The following COG6 variants were observed in gnomAD, a reference collection of about 807,000 sequenced individuals.
COG6 encodes conserved oligomeric Golgi complex subunit 6.
Under a neutral mutation model 88.8 loss-of-function variants are expected in COG6, and 74 were observed. The ratio of observed to expected loss-of-function variants is 0.83; its 90% CI spans 0.69 to 1.01. COG6 has a LOEUF of 1.01. Among genes scored for constraint, COG6 ranks in the 50% least tolerant of loss-of-function variants. COG6 has a pLI of 0.00. For missense variants in COG6, 800 were observed against 797.9 expected (o/e 1.00, Z -0.03); for synonymous variants, 286 against 278.7 (o/e 1.03, Z -0.26).
At chr13:39,684,212 GA>G (rs1876487916) in intron 8 of COG6, among the ~76,000 whole-genome samples, 1 of 147,694 alleles carries the variant, frequency 6.8e-6, no homozygotes, top group African/African-American at 2.5e-5. Flanking sequence ...CATATGCTAA[GA>G]AGCAGGGGGC....
intron 6 of COG6, 35 bp downstream of exon 6, chr13:39,679,655 G>A: frequency 1.5e-6 from 2 of 1,315,372 alleles, no homozygotes; most frequent in Non-Finnish European, 2.2e-6. Flanking sequence ...TTGCATTGCT[G>A]CTTATGTTTC....
intron 18 of COG6, among the ~76,000 whole-genome samples, chr13:39,735,960 G>A (rs979580255): frequency 2.1e-4 from 32 of 151,918 alleles, no homozygotes; most frequent in African/African-American, 7.5e-4. Flanking sequence ...TTGGGAGTTT[G>A]ATTATTAAAG....
chr13:39,743,618 T>C (rs929975303), intron 18 of COG6, among the ~76,000 whole-genome samples: 2 of 151,970 alleles, frequency 1.3e-5, no homozygotes, highest in Non-Finnish European at 2.9e-5. Flanking sequence ...ATTAATAGCC[T>C]ACCAACCAAA....
At chr13:39,695,556 A>C (rs1289289893) in intron 12 of COG6, among the ~76,000 whole-genome samples, 1 of 151,870 alleles carries the variant, frequency 6.6e-6, no homozygotes, top group Non-Finnish European at 1.5e-5. Context: ...AAATCTAAGA[A>C]GGATGTAACT....
intron 16 of COG6, 40 bp from the exon 17 acceptor site, chr13:39,724,468 T>G: frequency 6.9e-7 from 1 of 1,454,208 alleles, no homozygotes; most frequent in Non-Finnish European, 9.5e-7. Flanking sequence ...TCTCCTTTTT[T>G]ACATCTTGGA....
In COG6 at chr13:39,699,564, C is replaced by A; in HGVS notation, c.1230C>A (p.Ser410Arg). The A allele has an allele frequency of 6.3e-7, 1 of 1,594,490 alleles. No homozygotes were observed. Reference sequence around the variant, plus strand: ...CCATTGAAGAAATGCATTTGCTAAGCAAAAAAATATTCTTCAATAGCTTGA... The same window carrying A: ...CCATTGAAGAAATGCATTTGCTAAGAAAAAAAATATTCTTCAATAGCTTGA... ...LTTIEEMHLLSKKIFFNSLSL... is the reference protein window; with the variant it reads ...LTTIEEMHLLRKKIFFNSLSL... Residue 410 changes from serine to arginine, a missense_variant, in exon 13 of 19, where the codon AGC (serine) becomes AGA (arginine). By Grantham distance (110) the Ser-to-Arg change is moderately radical. Coordinates refer to ENST00000455146, the MANE Select transcript of COG6 (RefSeq NM_020751.3).
intron 13 of COG6, among the ~76,000 whole-genome samples, chr13:39,705,247 T>A (rs1877825337): frequency 6.6e-6 from 1 of 152,190 alleles, no homozygotes. Context: ...AGAGAGGAAT[T>A]TTTAAAAATA....
At chr13:39,679,504 G>A (rs760514904) in intron 5 of COG6, 34 bp from the exon 6 acceptor site, 2 of 1,212,002 alleles carry the variant, frequency 1.7e-6, no homozygotes, top group African/African-American at 3.0e-5. Flanking sequence ...TTTGCCTGAA[G>A]CATGGACATA....
chr13:39,783,548 T>C (rs1427813180), intron 18 of COG6, among the ~76,000 whole-genome samples: 2 of 152,274 alleles, frequency 1.3e-5, no homozygotes, highest in Non-Finnish European at 2.9e-5. Flanking sequence ...GTATCTTTTT[T>C]ATTTTAAAAT....
chr13:39,665,075 T>C (rs1474429173), intron 3 of COG6, 21 bp from the exon 4 acceptor site: 1 of 1,105,082 alleles, frequency 9.0e-7, no homozygotes. Flanking sequence ...TTACTTATAT[T>C]AGATATGTTT....
intron 4 of COG6, among the ~76,000 whole-genome samples, chr13:39,667,819 A>G (rs1875365197): frequency 6.6e-6 from 1 of 152,192 alleles, no homozygotes; most frequent in African/African-American, 2.4e-5. Flanking sequence ...ATTTAGAAGT[A>G]TAGGACTAAG....
At chr13:39,785,999 G>T (rs1881762065) in intron 18 of COG6, among the ~76,000 whole-genome samples, 2 of 152,038 alleles carry the variant, frequency 1.3e-5, no homozygotes, top group Non-Finnish European at 2.9e-5. Flanking sequence ...TCTCTATAAG[G>T]TACAGTCAGG....
chr13:39,757,776 A>AC (rs1880885696), intron 18 of COG6, among the ~76,000 whole-genome samples: 1 of 151,980 alleles, frequency 6.6e-6, no homozygotes, highest in Admixed American at 6.6e-5. Context: ...TAATCAAAAA[A>AC]CTCCCAACAA....
At position 39,752,473 on chromosome 13, in the gene COG6, CAG is replaced by C. The variant is rs1291177290; in HGVS notation, c.*1382_*1383del. 2.7e-6 allele frequency: 3 copies of C among 1,106,830 alleles called. No individual in the cohort carries two copies. The East Asian group carries it at 1.8e-4, about 66-fold the overall frequency. The allele number at this position is 1,106,830 out of a possible 1,614,324, so 68.6% of individuals were successfully genotyped here. On this transcript the variant is annotated 3_prime_UTR_variant, in exon 19 of 19. Transcript: ENST00000455146. ...GATTAGTATGTGTTACATATAAAGA[CAG>C]AAAATAAAGTATAAATCAAGAGCTT...
intron 10 of COG6, 53 bp downstream of exon 10, chr13:39,687,852 ATC>A: frequency 7.9e-7 from 1 of 1,259,142 alleles, no homozygotes; most frequent in Admixed American, 1.8e-5. Flanking sequence ...TAACACAAGC[ATC>A]TCTGTTTCTG....
intron 18 of COG6, among the ~76,000 whole-genome samples, chr13:39,766,767 G>A (rs367852269): frequency 2.0e-5 from 3 of 152,152 alleles, no homozygotes; most frequent in African/African-American, 7.2e-5. Flanking sequence ...GGAAGTCCAG[G>A]ACTTGGACAG....
intron 13 of COG6, among the ~76,000 whole-genome samples, chr13:39,702,637 A>T (rs1877646314): frequency 6.6e-6 from 1 of 152,196 alleles, no homozygotes; most frequent in African/African-American, 2.4e-5. Flanking sequence ...TGGTTCTTCT[A>T]TTTAAGTGAA....
At chr13:39,724,994 T>G (rs1203914335) in intron 17 of COG6, among the ~76,000 whole-genome samples, 1 of 151,966 alleles carries the variant, frequency 6.6e-6, no homozygotes, top group Non-Finnish European at 1.5e-5. Flanking sequence ...TGAGACTCAC[T>G]GAATTTCCAC....
Position 39,659,399 on chromosome 13 carries a change from T to C in COG6, c.189T>C (p.Phe63=). ...AAGCTCTCAAGGCACTTTCAACCTT[T>C]TTTGTTGAAAATAGTCTGCGGACTC... is the stretch of plus-strand genomic sequence containing the variant. ...MLEALKALST[F]FVENSLRTRR... Residue 63 remains phenylalanine, a synonymous_variant, in exon 2 of 19, where the codon TTT becomes TTC. Transcript: ENST00000455146. 1.9e-6 allele frequency: 3 copies of C among 1,613,562 alleles called. No individual in the cohort carries two copies. Among genetic ancestry groups the C allele is most frequent in the South Asian group, 1.1e-5 (1 of 91,068 alleles).
Sources: gnomAD v4.1 joint callset for allele counts (sites outside exome capture counted in the v4.1 genomes callset) on GRCh38, gnomAD v4.1.1 for gene constraint, MANE v1.5 for transcripts, NCBI Gene and HGNC (gene_info 2026-07-23, HGNC 2026-07-21) for gene names.